The following SGCZ variants were observed in gnomAD, a reference collection of about 807,000 sequenced individuals.
SGCZ encodes zeta-sarcoglycan.
In SGCZ, 40 loss-of-function variants were observed where a neutral mutation model predicts 41.3. The ratio of observed to expected loss-of-function variants is 0.97; its 90% CI spans 0.75 to 1.26. SGCZ has a LOEUF of 1.26. Among genes scored for constraint, SGCZ ranks in the 50% most tolerant of loss-of-function variants. SGCZ has a pLI of 0.00. For synonymous variants in SGCZ, 206 were observed against 137.5 expected (o/e 1.50, Z -3.49); for missense variants, 552 against 369.8 (o/e 1.49, Z -4.04).
At chr8:15,050,597 T>C (rs920953571) in intron 1 of SGCZ, among the ~76,000 whole-genome samples, 7 of 152,026 alleles carry the variant, frequency 4.6e-5, no homozygotes, top group Admixed American at 4.6e-4. Context: ...GTAAGAGAAA[T>C]AACCTGTGCA....
chr8:14,785,246 G>T (rs1800732897), intron 1 of SGCZ, among the ~76,000 whole-genome samples: 1 of 151,460 alleles, frequency 6.6e-6, no homozygotes. Flanking sequence ...TCTACTATCA[G>T]AAATTTATCC....
intron 1 of SGCZ, among the ~76,000 whole-genome samples, chr8:14,669,693 TACACACAC>T (rs35602830): frequency 0.19 from 28,569 of 147,638 alleles, 3,186 homozygotes; most frequent in East Asian, 0.42. Context: ...ATTTTGTGTA[TACACACAC>T]ACACACACAC....
At chr8:14,429,286 G>A (rs1799877172) in intron 2 of SGCZ, among the ~76,000 whole-genome samples, 1 of 152,214 alleles carries the variant, frequency 6.6e-6, no homozygotes, top group Non-Finnish European at 1.5e-5. Flanking sequence ...GGGGTTTGAG[G>A]AGGGTTGTCA....
chr8:14,770,005 A>G (rs1261841708), intron 1 of SGCZ, among the ~76,000 whole-genome samples: 3 of 151,722 alleles, frequency 2.0e-5, no homozygotes, highest in Non-Finnish European at 4.4e-5. Flanking sequence ...TGAATATACC[A>G]TGCTCCCTTG....
chr8:14,488,240 T>C (rs574406406), intron 2 of SGCZ, among the ~76,000 whole-genome samples: 8 of 152,358 alleles, frequency 5.3e-5, no homozygotes, highest in African/African-American at 1.9e-4. Flanking sequence ...AAAAACACAT[T>C]TGTTGTCCTT....
At chr8:15,111,764 G>A (rs1368383569) in intron 1 of SGCZ, among the ~76,000 whole-genome samples, 2 of 152,054 alleles carry the variant, frequency 1.3e-5, no homozygotes, top group Non-Finnish European at 2.9e-5. Context: ...GCTGGGTGTG[G>A]TGGCGCGTGT....
chr8:14,793,508 A>T (rs1369859911), intron 1 of SGCZ, among the ~76,000 whole-genome samples: 1 of 152,200 alleles, frequency 6.6e-6, no homozygotes, highest in Non-Finnish European at 1.5e-5. Flanking sequence ...ATAGCAATAC[A>T]TTTCTGGAAA....
At chr8:14,413,107 T>A (rs908209510) in intron 2 of SGCZ, among the ~76,000 whole-genome samples, 10 of 152,026 alleles carry the variant, frequency 6.6e-5, no homozygotes, top group African/African-American at 2.4e-4. Context: ...CAAGTTCGCA[T>A]CATTAAGTTT....
At chr8:14,933,998 C>T (rs192916629) in intron 1 of SGCZ, among the ~76,000 whole-genome samples, 1 of 151,720 alleles carries the variant, frequency 6.6e-6, no homozygotes, top group African/African-American at 2.4e-5. Flanking sequence ...ACCAACAGGC[C>T]CTCTTATCGA....
At chr8:15,142,235 G>C (rs982134205) in intron 1 of SGCZ, among the ~76,000 whole-genome samples, 2 of 152,108 alleles carry the variant, frequency 1.3e-5, no homozygotes, top group Admixed American at 6.5e-5. Context: ...GAGGGGTAGG[G>C]AAATAACCCT....
intron 1 of SGCZ, among the ~76,000 whole-genome samples, chr8:15,131,272 T>G (rs1232884134): frequency 6.6e-6 from 1 of 152,196 alleles, no homozygotes. Flanking sequence ...TCTCCCATAC[T>G]GTTCTCATGG....
chr8:14,891,162 C>T (rs1243362068), intron 1 of SGCZ, among the ~76,000 whole-genome samples: 1 of 152,138 alleles, frequency 6.6e-6, no homozygotes, highest in Non-Finnish European at 1.5e-5. Flanking sequence ...CACATTGAAG[C>T]CTGATTTAAG....
intron 1 of SGCZ, among the ~76,000 whole-genome samples, chr8:14,865,067 C>A (rs1440954855): frequency 6.6e-6 from 1 of 151,962 alleles, no homozygotes; most frequent in Non-Finnish European, 1.5e-5. Context: ...TGTGTGTGTA[C>A]ACACATATAT....
intron 2 of SGCZ, among the ~76,000 whole-genome samples, chr8:14,342,546 A>G (rs1421660915): frequency 6.6e-6 from 1 of 152,084 alleles, no homozygotes; most frequent in Non-Finnish European, 1.5e-5. Flanking sequence ...CGATCTCCTG[A>G]ACTGGTGATC....
intron 1 of SGCZ, among the ~76,000 whole-genome samples, chr8:15,040,972 G>A (rs1003095125): frequency 6.6e-6 from 1 of 151,744 alleles, no homozygotes; most frequent in African/African-American, 2.4e-5. Context: ...CTACAGAATC[G>A]AACTAAATGA....
intron 2 of SGCZ, among the ~76,000 whole-genome samples, chr8:14,545,857 A>G (rs918973073): frequency 6.6e-6 from 1 of 152,126 alleles, no homozygotes; most frequent in Non-Finnish European, 1.5e-5. Context: ...TAGTACTCTA[A>G]TGAACTTTGT....
intron 1 of SGCZ, among the ~76,000 whole-genome samples, chr8:15,194,588 G>A (rs548208068): frequency 3.9e-5 from 6 of 152,218 alleles, no homozygotes; most frequent in East Asian, 1.9e-4. Context: ...TCTAATAAAG[G>A]GGATGCAAGA....
At position 15,115,003 on chromosome 8, in the gene SGCZ, T is replaced by C. The variant is rs750306620; in HGVS notation, c.39+122582A>G. On this transcript the variant is annotated intron_variant, in intron 1 of 7. Coordinates refer to ENST00000382080, the MANE Select transcript of SGCZ (RefSeq NM_139167.4). ...TTACAAAATAATAGTACATTAGTTA[T>C]GATAAAACTGGCCATATTGAAAAAC... Among the ~76,000 whole-genome samples the C allele has an allele frequency of 7.9e-5, 12 of 152,294 alleles. 1 individual carries two copies. The highest frequency in any genetic ancestry group is 1.5e-4 in the Non-Finnish European group (10 of 68,022).
At chr8:14,960,284 A>T (rs1400611810) in intron 1 of SGCZ, among the ~76,000 whole-genome samples, 2 of 152,112 alleles carry the variant, frequency 1.3e-5, no homozygotes, top group African/African-American at 4.8e-5. Flanking sequence ...ATAAAATTCT[A>T]TAATTTCCTT....
Sources: allele counts gnomAD v4.1 joint callset (sites outside exome capture counted in the v4.1 genomes callset), GRCh38; gene constraint gnomAD v4.1.1; transcripts MANE v1.5; gene names NCBI Gene and HGNC (gene_info 2026-07-23, HGNC 2026-07-21).